Variants in HDGFL3 observed in about 807,000 individuals in gnomAD.
The protein encoded by HDGFL3 is hepatoma-derived growth factor-related protein 3.
Under a neutral mutation model 27.6 loss-of-function variants are expected in HDGFL3, and 6 were observed. The ratio of observed to expected loss-of-function variants is 0.22; its 90% CI spans 0.12 to 0.43. The LOEUF (loss-of-function observed/expected upper bound fraction) is 0.43, where lower values mean the gene tolerates loss of function less well. Among genes scored for constraint, HDGFL3 ranks in the 20% least tolerant of loss-of-function variants. HDGFL3 has a pLI of 1.00. For missense variants in HDGFL3, 207 were observed against 250.1 expected, an observed-to-expected ratio of 0.83 and a Z score of 1.16; for synonymous variants, 88 against 88.9, an observed-to-expected ratio of 0.99 and a Z score of 0.05.
chr15:83,149,934 A>AC, intron 5 of HDGFL3, among the ~76,000 whole-genome samples: 1 of 152,290 alleles, frequency 6.6e-6, no homozygotes, highest in East Asian at 1.9e-4. Context: ...AATATTCTGA[A>AC]CCATGACAAT....
At chr15:83,154,145 T>A in intron 4 of HDGFL3, among the ~76,000 whole-genome samples, 1 of 147,038 alleles carries the variant, frequency 6.8e-6, no homozygotes, top group East Asian at 2.0e-4. Context: ...TAAAATCCGG[T>A]CTCTACTGGA....
In HDGFL3 at chr15:83,157,521, G is replaced by A; in HGVS notation, c.353C>T (p.Ala118Val). The A allele has an allele frequency of 1.9e-6, 3 of 1,613,420 alleles. No individual in the cohort carries two copies. The highest frequency in any genetic ancestry group is 2.5e-6 in the Non-Finnish European group (3 of 1,179,498). ...ACCTTCTTCCTCACTGCTTGCATCT[G>A]CAGTATTTCCACCTTCTCCCTCAGT... ...SETEGEGGNTADASSEEEGDR... is the reference protein window; with the variant it reads ...SETEGEGGNTVDASSEEEGDR... The change falls in exon 4 of 6, where the codon GCA (alanine) becomes GTA (valine). Residue 118 changes from alanine to valine, a missense_variant. Coordinates refer to ENST00000299633, the MANE Select transcript of HDGFL3 (RefSeq NM_016073.4).
chr15:83,170,838 T>C (rs996106282), intron 1 of HDGFL3, among the ~76,000 whole-genome samples: 1 of 138,090 alleles, frequency 7.2e-6, no homozygotes, highest in African/African-American at 2.7e-5. Context: ...AAAGGTGTAA[T>C]ATCCAGAATC....
At chr15:83,115,958 G>A in intron 3 of HDGFL3, 1 of 1,595,544 alleles carries the variant, frequency 6.3e-7, no homozygotes, top group Non-Finnish European at 8.6e-7. Flanking sequence ...GGATCACTTA[G>A]TGATTATGAG....
intron 1 of HDGFL3, among the ~76,000 whole-genome samples, chr15:83,205,378 C>G (rs2037704564): frequency 6.6e-6 from 1 of 152,152 alleles, no homozygotes; most frequent in South Asian, 2.1e-4. Context: ...TGAATAGATA[C>G]AGATTTTTCT....
At chr15:83,183,736 C>T (rs985621029) in intron 1 of HDGFL3, among the ~76,000 whole-genome samples, 2 of 147,880 alleles carry the variant, frequency 1.4e-5, no homozygotes, top group Non-Finnish European at 3.0e-5. Flanking sequence ...CCAGCCTGGG[C>T]GACAGAGTGA....
chr15:83,114,895 G>A (rs547543011), exon 4 of HDGFL3: 2 of 152,304 alleles, frequency 1.3e-5, no homozygotes, highest in Non-Finnish European at 2.9e-5. Flanking sequence ...CACAACTCTG[G>A]TAAGATTCTC....
chr15:83,149,022 T>C (rs565749099), intron 5 of HDGFL3, among the ~76,000 whole-genome samples: 6 of 152,244 alleles, frequency 3.9e-5, no homozygotes, highest in African/African-American at 1.2e-4. Flanking sequence ...GGTCACTTTA[T>C]AGCTTTATAA....
chr15:83,169,368 T>G (rs1369189064), intron 1 of HDGFL3: 1 of 197,444 alleles, frequency 5.1e-6, no homozygotes, highest in African/African-American at 3.1e-5. Flanking sequence ...TGAGCCGAGA[T>G]CGCGCCACTG....
Position 83,154,852 on chromosome 15 carries a change from A to G in HDGFL3, c.459+2563T>C, listed in dbSNP as rs145828816. Among the ~76,000 whole-genome samples, 868 of 152,324 alleles carry G rather than the reference A, an allele frequency of 5.7e-3. 9 individuals are homozygous for G. Among genetic ancestry groups the G allele is most frequent in the Middle Eastern group, 0.034 (10 of 294 alleles). On this transcript the variant is annotated intron_variant, in intron 4 of 5. Transcript: ENST00000299633. Reference sequence around the variant, plus strand: ...ATGCTAGGTTATTTCATTGATATTAAAAATAAAAAGCTATTCTTTTTTTTC... The same window carrying G: ...ATGCTAGGTTATTTCATTGATATTAGAAATAAAAAGCTATTCTTTTTTTTC...
downstream of HDGFL3, chr15:83,122,825 GC>G: frequency 6.2e-7 from 1 of 1,613,898 alleles, no homozygotes; most frequent in Non-Finnish European, 8.5e-7. Flanking sequence ...TCCTGTCTGG[GC>G]TGGTTTCAGA....
intron 5 of HDGFL3, among the ~76,000 whole-genome samples, chr15:83,143,880 T>A (rs746855003): frequency 2.6e-5 from 4 of 152,172 alleles, no homozygotes; most frequent in Non-Finnish European, 5.9e-5. Flanking sequence ...CTCCCTCCAG[T>A]TGTGTGGTAG....
At chr15:83,119,895 G>A (rs530989569) in intron 3 of HDGFL3, among the ~76,000 whole-genome samples, 3 of 152,278 alleles carry the variant, frequency 2.0e-5, no homozygotes, top group East Asian at 1.9e-4. Context: ...GTGACAGCTC[G>A]GGCAGACCCT....
chr15:83,146,500 A>C (rs1183533366), intron 5 of HDGFL3, among the ~76,000 whole-genome samples: 2 of 151,810 alleles, frequency 1.3e-5, no homozygotes, highest in African/African-American at 4.8e-5. Context: ...TCATACTCAA[A>C]CTCTGTTGAC....
intron 1 of HDGFL3, among the ~76,000 whole-genome samples, chr15:83,197,299 G>C (rs941324747): frequency 6.6e-6 from 1 of 152,060 alleles, no homozygotes; most frequent in African/African-American, 2.4e-5. Flanking sequence ...AGTATAGTGG[G>C]TCTGTTTCTA....
intron 4 of HDGFL3, among the ~76,000 whole-genome samples, chr15:83,152,894 G>C (rs2151399753): frequency 6.6e-6 from 1 of 151,312 alleles, no homozygotes; most frequent in East Asian, 1.9e-4. Context: ...AATGACAATA[G>C]TAAAAGTGAA....
chr15:83,186,711 T>C (rs1320840169), intron 1 of HDGFL3, among the ~76,000 whole-genome samples: 3 of 151,280 alleles, frequency 2.0e-5, no homozygotes, highest in Admixed American at 6.6e-5. Flanking sequence ...AGTGGTATAA[T>C]GGACACTGGA....
chr15:83,140,735 G>A (rs951455264), intron 5 of HDGFL3, among the ~76,000 whole-genome samples: 3 of 152,174 alleles, frequency 2.0e-5, no homozygotes, highest in African/African-American at 4.8e-5. Context: ...CTGGCTCGGC[G>A]GCCTCCCAAA....
intron 4 of HDGFL3, among the ~76,000 whole-genome samples, chr15:83,156,211 T>C (rs542802254): frequency 6.6e-6 from 1 of 152,284 alleles, no homozygotes; most frequent in East Asian, 1.9e-4. Context: ...CCCTCTGCCA[T>C]ATATGGCTTC....
Sources: gnomAD v4.1 joint callset for allele counts (sites outside exome capture counted in the v4.1 genomes callset) on GRCh38, gnomAD v4.1.1 for gene constraint, MANE v1.5 for transcripts, NCBI Gene and HGNC (gene_info 2026-07-23, HGNC 2026-07-21) for gene names.